PUM3: variants seen among roughly 807,000 people sequenced by gnomAD.
PUM3 encodes the protein pumilio homolog 3.
PUM3 carries 91 observed loss-of-function variants against 84.0 expected under a neutral mutation model. The ratio of observed to expected loss-of-function variants is 1.08; its 90% confidence interval spans 0.91 to 1.29. The LOEUF is 1.29. Among genes scored for constraint, PUM3 ranks in the 50% most tolerant of loss-of-function variants. The probability of loss-of-function intolerance (pLI) is 0.00; values close to 1 mark genes in which losing one functional copy is unlikely to be tolerated. For missense variants in PUM3, 1,067 were observed against 767.5 expected (o/e 1.39, Z -4.61); for synonymous variants, 321 against 266.7 (o/e 1.20, Z -1.98).
intron 15 of PUM3, among the ~76,000 whole-genome samples, chr9:2,810,767 C>T (rs1264269422): frequency 6.6e-6 from 1 of 152,222 alleles, no homozygotes; most frequent in Non-Finnish European, 1.5e-5. Flanking sequence ...CATTCTCAGA[C>T]ACAAATAAAC....
intron 1 of PUM3, among the ~76,000 whole-genome samples, chr9:2,840,876 C>A (rs932437402): frequency 6.6e-6 from 1 of 152,210 alleles, no homozygotes; most frequent in Admixed American, 6.5e-5. Flanking sequence ...TATTTAAAAA[C>A]CAAGATCTGA....
intron 13 of PUM3, among the ~76,000 whole-genome samples, chr9:2,816,731 G>A (rs560005670): frequency 6.6e-6 from 1 of 152,250 alleles, no homozygotes; most frequent in African/African-American, 2.4e-5. Context: ...TGAGCCCTGG[G>A]TGAGATCATG....
intron 15 of PUM3, 63 bp downstream of exon 15, chr9:2,811,298 G>A (rs566331624): frequency 9.0e-5 from 131 of 1,452,726 alleles, no homozygotes; most frequent in South Asian, 1.3e-4. Flanking sequence ...ACCCCACATC[G>A]TCCAAAAACG....
At chr9:2,832,573 C>T (rs1314970370) in intron 5 of PUM3, among the ~76,000 whole-genome samples, 1 of 152,172 alleles carries the variant, frequency 6.6e-6, no homozygotes, top group East Asian at 1.9e-4. Flanking sequence ...CTTCTAACAC[C>T]ATGGTCATAC....
chr9:2,839,871 G>A (rs1016105089), intron 1 of PUM3, among the ~76,000 whole-genome samples: 2 of 152,162 alleles, frequency 1.3e-5, no homozygotes, highest in Non-Finnish European at 1.5e-5. Flanking sequence ...CTTTACAAAA[G>A]AGTTGAAAAG....
At chr9:2,826,721 A>AT (rs564553096) in intron 10 of PUM3, among the ~76,000 whole-genome samples, 18 of 150,050 alleles carry the variant, frequency 1.2e-4, no homozygotes, top group South Asian at 2.1e-4. Flanking sequence ...TGCCAAGCTA[A>AT]TTTTTTTTTT....
chr9:2,828,837 A>T, intron 8 of PUM3, 59 bp from the exon 9 acceptor site: 1 of 962,224 alleles, frequency 1.0e-6, no homozygotes, highest in Non-Finnish European at 1.6e-6. Flanking sequence ...TCACTTCAGG[A>T]AAAAGAAAAG....
At chr9:2,812,875 AG>A (rs1221179732) in intron 13 of PUM3, among the ~76,000 whole-genome samples, 1 of 152,252 alleles carries the variant, frequency 6.6e-6, no homozygotes, top group Non-Finnish European at 1.5e-5. Flanking sequence ...GTCACTGAGT[AG>A]AGGCAGTTAA....
At chr9:2,826,837 T>C (rs547852818) in intron 10 of PUM3, among the ~76,000 whole-genome samples, 2 of 152,294 alleles carry the variant, frequency 1.3e-5, no homozygotes, top group East Asian at 3.9e-4. Context: ...TGGATTATAA[T>C]TAAGATATAA....
chr9:2,810,281 G>T, intron 16 of PUM3, 63 bp downstream of exon 16: 1 of 1,081,184 alleles, frequency 9.2e-7, no homozygotes, highest in Non-Finnish European at 1.4e-6. Context: ...TAAAGTTCAG[G>T]GATGCCAGGA....
chr9:2,834,589 GCT>G (rs1299356010), intron 3 of PUM3, among the ~76,000 whole-genome samples: 1 of 152,180 alleles, frequency 6.6e-6, no homozygotes, highest in African/African-American at 2.4e-5. Flanking sequence ...TGTTCTGAGT[GCT>G]GTTGTATATT....
chr9:2,825,702 G>C (rs948857840), intron 10 of PUM3, among the ~76,000 whole-genome samples: 1 of 152,000 alleles, frequency 6.6e-6, no homozygotes, highest in African/African-American at 2.4e-5. Context: ...GGCTGGTCTC[G>C]AACTACTGAC....
chr9:2,822,564 T>G (rs1045195855), intron 12 of PUM3, among the ~76,000 whole-genome samples: 9 of 151,654 alleles, frequency 5.9e-5, no homozygotes, highest in Non-Finnish European at 1.3e-4. Flanking sequence ...AATATAATTT[T>G]ATTATTTTAA....
At chr9:2,817,992 G>T (rs1208508472) in intron 13 of PUM3, among the ~76,000 whole-genome samples, 1 of 152,210 alleles carries the variant, frequency 6.6e-6, no homozygotes, top group Non-Finnish European at 1.5e-5. Context: ...AAAGTAGTAA[G>T]AAAGAGCTCG....
chr9:2,812,482 T>A, intron 13 of PUM3, 120 bp from the exon 14 acceptor site: 2 of 690,672 alleles, frequency 2.9e-6, no homozygotes, highest in Non-Finnish European at 4.7e-6. Context: ...TAATTTCCTA[T>A]AAAATTATAG....
At chr9:2,833,208 G>C in intron 5 of PUM3, 149 bp downstream of exon 5, 1 of 416,638 alleles carries the variant, frequency 2.4e-6, no homozygotes, top group Admixed American at 4.4e-5. Flanking sequence ...AAATTTTTAT[G>C]TAGTTCAGTG....
intron 13 of PUM3, among the ~76,000 whole-genome samples, chr9:2,818,280 A>G (rs1029505615): frequency 6.6e-6 from 1 of 152,246 alleles, no homozygotes; most frequent in African/African-American, 2.4e-5. Context: ...TCGGCAAATC[A>G]GGCCATTCAG....
intron 1 of PUM3, among the ~76,000 whole-genome samples, chr9:2,842,245 C>T (rs1345348974): frequency 6.6e-6 from 1 of 152,160 alleles, no homozygotes; most frequent in Non-Finnish European, 1.5e-5. Flanking sequence ...ATTCAGGCTC[C>T]TGTTACCTCT....
At chr9:2,833,851 T>C (rs562068785) in intron 4 of PUM3, among the ~76,000 whole-genome samples, 180 bp downstream of exon 4, 1 of 152,358 alleles carries the variant, frequency 6.6e-6, no homozygotes, top group African/African-American at 2.4e-5. Context: ...ATAATGATTC[T>C]ACACACTTCT....
Sources: gnomAD v4.1 joint callset for allele counts (sites outside exome capture counted in the v4.1 genomes callset) on GRCh38, gnomAD v4.1.1 for gene constraint, MANE v1.5 for transcripts, NCBI Gene and HGNC (gene_info 2026-07-23, HGNC 2026-07-21) for gene names.